The following CCDC146 variants were observed in gnomAD, a reference collection of about 807,000 sequenced individuals.
CCDC146 encodes the protein coiled-coil domain containing 146, also known as coiled-coil domain-containing protein 146.
CCDC146 carries 92 observed loss-of-function variants against 119.3 expected under a neutral mutation model. The observed-to-expected ratio is 0.77, with a 90% CI of 0.65 to 0.92. CCDC146 has a LOEUF of 0.92. Among genes scored for constraint, CCDC146 ranks in the 40% least tolerant of loss-of-function variants. The probability of loss-of-function intolerance (pLI) is 0.00; values close to 1 mark genes in which losing one functional copy is unlikely to be tolerated. For missense variants in CCDC146, 1,000 were observed against 1,103.0 expected, an observed-to-expected ratio of 0.91 and a Z score of 1.32; for synonymous variants, 372 against 371.8, an observed-to-expected ratio of 1.00 and a Z score of -0.01.
chr7:77,170,975 G>A (rs2117493057), intron 2 of CCDC146, among the ~76,000 whole-genome samples: 1 of 152,286 alleles, frequency 6.6e-6, no homozygotes, highest in East Asian at 1.9e-4. Context: ...TTAAAACCAT[G>A]ATTTCCTTCC....
chr7:77,141,095 G>C (rs1790925672), intron 1 of CCDC146, among the ~76,000 whole-genome samples: 1 of 152,080 alleles, frequency 6.6e-6, no homozygotes, highest in Non-Finnish European at 1.5e-5. Flanking sequence ...ACAGGCCTCG[G>C]TGTGTGATGT....
intron 16 of CCDC146, 97 bp from the exon 17 acceptor site, chr7:77,287,343 T>TG: frequency 7.8e-7 from 1 of 1,283,092 alleles, no homozygotes; most frequent in Non-Finnish European, 1.1e-6. Context: ...AGAGGTATTT[T>TG]GTGGGGGGTA....
intron 15 of CCDC146, among the ~76,000 whole-genome samples, chr7:77,284,597 C>T (rs1264779517): frequency 6.6e-6 from 1 of 151,460 alleles, no homozygotes; most frequent in Non-Finnish European, 1.5e-5. Context: ...GTGTTCACTG[C>T]AAATCAATAC....
At chr7:77,170,684 CT>C (rs1791407748) in intron 2 of CCDC146, among the ~76,000 whole-genome samples, 1 of 152,170 alleles carries the variant, frequency 6.6e-6, no homozygotes. Context: ...GGTCTGATAT[CT>C]GGAATCTATA....
chr7:77,177,895 A>G (rs1468012537), intron 2 of CCDC146, among the ~76,000 whole-genome samples: 12 of 152,202 alleles, frequency 7.9e-5, no homozygotes, highest in Non-Finnish European at 1.6e-4. Flanking sequence ...TGAACAGTAC[A>G]GATAGGTTCT....
chr7:77,134,361 C>T (rs1790830618), intron 1 of CCDC146, among the ~76,000 whole-genome samples: 1 of 151,860 alleles, frequency 6.6e-6, no homozygotes, highest in African/African-American at 2.4e-5. Context: ...TCAGTTAGAA[C>T]CACAAAACAG....
chr7:77,163,759 A>G (rs1407302540), intron 1 of CCDC146, among the ~76,000 whole-genome samples: 10 of 151,744 alleles, frequency 6.6e-5, no homozygotes, highest in Admixed American at 6.6e-4. Context: ...ATGAATTGAT[A>G]TTTGTTGAAG....
chr7:77,239,579 G>A (rs1050535344), intron 3 of CCDC146, among the ~76,000 whole-genome samples: 1 of 152,226 alleles, frequency 6.6e-6, no homozygotes, highest in African/African-American at 2.4e-5. Context: ...AAGTCATTGG[G>A]CGTCTCTGCA....
intron 2 of CCDC146, among the ~76,000 whole-genome samples, chr7:77,228,604 G>GTGC (rs1792562789): frequency 6.6e-6 from 1 of 152,166 alleles, no homozygotes; most frequent in Non-Finnish European, 1.5e-5. Context: ...ATTGTGAATA[G>GTGC]TGCTGCAATG....
intron 2 of CCDC146, among the ~76,000 whole-genome samples, chr7:77,229,109 T>C (rs374031866): frequency 6.6e-6 from 1 of 152,250 alleles, no homozygotes; most frequent in African/African-American, 2.4e-5. Flanking sequence ...ATTGTTGGCA[T>C]TGGCCACATG....
intron 2 of CCDC146, among the ~76,000 whole-genome samples, chr7:77,174,886 G>T (rs1468746699): frequency 6.6e-6 from 1 of 152,178 alleles, no homozygotes; most frequent in African/African-American, 2.4e-5. Flanking sequence ...ACACAGGAGT[G>T]GGGTTAATCT....
chr7:77,140,780 C>T (rs1262527093), intron 1 of CCDC146, among the ~76,000 whole-genome samples: 1 of 152,118 alleles, frequency 6.6e-6, no homozygotes, highest in Non-Finnish European at 1.5e-5. Context: ...TAATTCAATA[C>T]AAGATGTCAA....
chr7:77,198,030 C>G, intron 2 of CCDC146: 1 of 658,388 alleles, frequency 1.5e-6, no homozygotes, highest in South Asian at 6.8e-5. Flanking sequence ...GTTATTTCAC[C>G]CAAAATGTTT....
intron 2 of CCDC146, chr7:77,193,319 T>G (rs768479083): frequency 6.6e-6 from 1 of 152,252 alleles, no homozygotes; most frequent in Non-Finnish European, 1.5e-5. Context: ...AGATATTGTA[T>G]AGCTGAGGTA....
intron 2 of CCDC146, among the ~76,000 whole-genome samples, chr7:77,209,027 G>A (rs552072225): frequency 3.9e-5 from 6 of 151,968 alleles, no homozygotes; most frequent in Admixed American, 6.6e-5. Context: ...TTTCACCTCC[G>A]GCCCCTCCCA....
rs188166606 is a variant in CCDC146, at chr7:77,191,869, T to C, written c.156+24045T>C. ...AGCGTGCAGTGAGCCGAGATGGTGC[T>C]ACTGCACTCCAGCCTGGGCGACAGA... On this transcript the variant is annotated intron_variant, in intron 2 of 18. Transcript: ENST00000285871. 3.0e-3 allele frequency among the ~76,000 whole-genome samples: 451 copies of C among 151,904 alleles called. 2 individuals carry two copies. The highest frequency in any genetic ancestry group is 0.011 in the African/African-American group (441 of 41,498).
At chr7:77,179,064 A>G (rs1345531884) in intron 2 of CCDC146, among the ~76,000 whole-genome samples, 1 of 152,182 alleles carries the variant, frequency 6.6e-6, no homozygotes, top group Non-Finnish European at 1.5e-5. Context: ...TAAATCAGTT[A>G]AATGAGTTAG....
intron 2 of CCDC146, among the ~76,000 whole-genome samples, chr7:77,225,205 TG>T (rs1459938954): frequency 3.9e-5 from 6 of 152,204 alleles, no homozygotes; most frequent in Admixed American, 3.9e-4. Context: ...CTGAAGAGAC[TG>T]AGGCAAGGAC....
chr7:77,212,415 A>T (rs1792202278), intron 2 of CCDC146, among the ~76,000 whole-genome samples: 1 of 151,934 alleles, frequency 6.6e-6, no homozygotes, highest in Admixed American at 6.6e-5. Flanking sequence ...AGGTCAGGAG[A>T]TCGAGACCAT....
Sources: gnomAD v4.1 joint callset for allele counts (sites outside exome capture counted in the v4.1 genomes callset) on GRCh38, gnomAD v4.1.1 for gene constraint, MANE v1.5 for transcripts, NCBI Gene and HGNC (gene_info 2026-07-23, HGNC 2026-07-21) for gene names.